Variants in C17orf99 observed in about 807,000 individuals in gnomAD.
C17orf99 encodes protein IL-40.
A neutral mutation model predicts 22.6 loss-of-function variants in C17orf99; 18 were observed. That is an observed-to-expected ratio of 0.80 (90% CI 0.55 to 1.18). The LOEUF is 1.18. C17orf99 is among the 50% of genes most tolerant of loss of function. C17orf99 has a pLI of 0.00. For missense variants in C17orf99, 328 were observed against 342.7 expected (o/e 0.96, Z 0.34); for synonymous variants, 147 against 136.6 (o/e 1.08, Z -0.53).
intron 2 of C17orf99, among the ~76,000 whole-genome samples, chr17:78,151,715 G>A (rs1288215404): frequency 1.3e-5 from 2 of 152,298 alleles, no homozygotes; most frequent in Middle Eastern, 3.4e-3. Context: ...TATTTAACAT[G>A]AGAGAGGGGG....
rs544592377 is a variant in C17orf99 at position 78,146,462 on chromosome 17, G to T, written c.37+18G>T. On this transcript the variant is annotated intron_variant, in intron 1 of 4. Transcript: ENST00000340363. This position sits in a 1 kb window ranked among gnomAD's most constrained non-coding sequence, Gnocchi z 5.2. ...CGTGCTGGGTGAGTCCACCAGGGAC[G>T]TGATGGTGGGGCTGCTGCTGGGGCC... 6.5e-7 allele frequency: 1 copy of T among 1,548,900 alleles called. No individual in the cohort carries two copies. The highest frequency in any genetic ancestry group is 2.4e-5 in the East Asian group (1 of 40,896).
At chr17:78,162,444 G>A (rs1257153561) in intron 3 of C17orf99, among the ~76,000 whole-genome samples, 1 of 151,796 alleles carries the variant, frequency 6.6e-6, no homozygotes, top group Non-Finnish European at 1.5e-5. Context: ...GAACCAGGAA[G>A]TGTTGCCCGA....
intron 3 of C17orf99, among the ~76,000 whole-genome samples, chr17:78,161,639 T>C (rs1304886484): frequency 6.6e-6 from 1 of 150,946 alleles, no homozygotes; most frequent in African/African-American, 2.4e-5. Flanking sequence ...AGCCCAGGAG[T>C]TCGATACCAG....
intron 2 of C17orf99, among the ~76,000 whole-genome samples, chr17:78,148,976 T>C (rs928740780): frequency 1.3e-5 from 2 of 151,876 alleles, no homozygotes; most frequent in Non-Finnish European, 2.9e-5. Flanking sequence ...ACATACATTC[T>C]GGAGGCCAGC....
At chr17:78,148,121 T>C (rs933213679) in intron 2 of C17orf99, among the ~76,000 whole-genome samples, 2 of 151,890 alleles carry the variant, frequency 1.3e-5, no homozygotes, top group African/African-American at 4.8e-5. Flanking sequence ...CAGTGGCTTA[T>C]GCCTGTTATC....
chr17:78,161,526 C>G (rs2075576557), intron 3 of C17orf99, among the ~76,000 whole-genome samples: 1 of 152,116 alleles, frequency 6.6e-6, no homozygotes, highest in South Asian at 2.1e-4. Flanking sequence ...GCAGAAATGA[C>G]TGGGCCCCAG....
intron 2 of C17orf99, chr17:78,157,825 GA>G (rs2075540485): frequency 3.2e-6 from 1 of 308,902 alleles, no homozygotes; most frequent in Non-Finnish European, 5.4e-6. Context: ...AAAAAAAAAA[GA>G]ATGGCTTTGT....
At position 78,165,976 on chromosome 17, in the gene C17orf99, G is replaced by T; in HGVS notation, c.728G>T (p.Ser243Ile). ...CTCTACAGGAGCACCCGCCGTCTGA[G>T]TGAAGAGGAGTTTGGGGGGTTCAGG... ...LPLYRSTRRL[S>I]EEEFGGFRIG... is the part of the protein sequence containing the mutation. The change falls in exon 5 of 5, where the codon AGT becomes ATT. Residue 243 changes from serine to isoleucine, a missense_variant. Physicochemically the swap from Ser to Ile is moderately radical, Grantham distance 142 (BLOSUM62 -2). Coordinates refer to ENST00000340363, the MANE Select transcript of C17orf99 (RefSeq NM_001163075.2). The T allele has an allele frequency of 6.7e-7, 1 of 1,502,540 alleles. No individual in the cohort carries two copies. The highest frequency in any genetic ancestry group is 9.0e-7 in the Non-Finnish European group (1 of 1,116,508). 93.1% of individuals were successfully genotyped at this position (1,502,540 alleles called of 1,614,324 possible). A position where few individuals can be genotyped will look rare whatever the true frequency, so the allele number is the denominator to read the frequency against.
chr17:78,162,413 G>T (rs1057354877), intron 3 of C17orf99, among the ~76,000 whole-genome samples: 1 of 151,858 alleles, frequency 6.6e-6, no homozygotes, highest in Admixed American at 6.6e-5. Context: ...TAACCTTCTT[G>T]GTGGGAGCTA....
chr17:78,165,335 C>T, intron 4 of C17orf99: 1 of 985,636 alleles, frequency 1.0e-6, no homozygotes, highest in Non-Finnish European at 1.2e-6. Flanking sequence ...GGCACTTTCC[C>T]ATCTCACTTC....
intron 2 of C17orf99, among the ~76,000 whole-genome samples, chr17:78,152,180 A>G (rs2145776306): frequency 6.6e-6 from 1 of 151,920 alleles, no homozygotes; most frequent in Non-Finnish European, 1.5e-5. Context: ...TTATTTATTT[A>G]TTTACTTACT....
chr17:78,162,598 T>A (rs1345700594), intron 3 of C17orf99, among the ~76,000 whole-genome samples: 2 of 151,864 alleles, frequency 1.3e-5, no homozygotes, highest in African/African-American at 4.8e-5. Context: ...CTGGCTGGGG[T>A]CTTGAACAAC....
Position 78,146,827 on chromosome 17 carries a change from G to T in C17orf99, c.38-52G>T. 1 of 1,534,302 alleles carries T rather than the reference G, an allele frequency of 6.5e-7. No homozygotes were observed. Among genetic ancestry groups the T allele is most frequent in the Non-Finnish European group, 8.8e-7 (1 of 1,132,000 alleles). On this transcript the variant is annotated intron_variant, in intron 1 of 4. Coordinates refer to ENST00000340363, the MANE Select transcript of C17orf99 (RefSeq NM_001163075.2). This position sits in a 1 kb window ranked among gnomAD's most constrained non-coding sequence, Gnocchi z 5.2. ...GCAGGTGGGTCTCGAGGCTGTCTCT[G>T]GTCTCCCCTCCACACCAGGCCCTCT...
chr17:78,165,158 A>C, intron 4 of C17orf99: 3 of 1,006,702 alleles, frequency 3.0e-6, no homozygotes, highest in Non-Finnish European at 3.5e-6. Context: ...GTAGTGTCTG[A>C]GTGCAGGCAC....
rs553892172 is a variant in C17orf99, at chr17:78,157,665, C to T, written c.71-3290C>T. ...TACAAAAATTAGCCGGGCGTGGTGG[C>T]GGGCGCCTGTAGTCCCAGCTACTCT... On this transcript the variant is annotated intron_variant, in intron 2 of 4. Transcript: ENST00000340363. Among the ~76,000 whole-genome samples, 302 of 151,868 alleles carry T rather than the reference C, an allele frequency of 2.0e-3. 2 individuals are homozygous for T. The highest frequency in any genetic ancestry group is 6.5e-3 in the African/African-American group (267 of 41,346).
chr17:78,160,904 C>A, intron 2 of C17orf99, 51 bp from the exon 3 acceptor site: 1 of 1,461,880 alleles, frequency 6.8e-7, no homozygotes, highest in Non-Finnish European at 9.3e-7. Context: ...TCTTAAGGTG[C>A]TTGATCAATG....
chr17:78,150,377 C>T (rs1351930789), intron 2 of C17orf99, among the ~76,000 whole-genome samples: 1 of 152,140 alleles, frequency 6.6e-6, no homozygotes, highest in East Asian at 1.9e-4. Flanking sequence ...CTCCTGGCCT[C>T]AAGCAATCCT....
rs2075468085 is a variant in C17orf99 at position 78,149,979 on chromosome 17, G to A, written c.70+3068G>A. 2.0e-5 allele frequency among the ~76,000 whole-genome samples: 3 copies of A among 151,770 alleles called. No homozygotes were observed. In the South Asian group the frequency reaches 6.2e-4, roughly 31 times the overall value. Reference sequence around the variant, plus strand: ...CCACCTTGGCCTCCCAAAGTGCTGGGATTACAGGCGAGAGCCACCACGCCC... The same window carrying A: ...CCACCTTGGCCTCCCAAAGTGCTGGAATTACAGGCGAGAGCCACCACGCCC... On this transcript the variant is annotated intron_variant, in intron 2 of 4. Transcript: ENST00000340363.
chr17:78,165,863 A>G (rs1339161102), intron 4 of C17orf99, 26 bp from the exon 5 acceptor site: 4 of 1,299,182 alleles, frequency 3.1e-6, no homozygotes, highest in Non-Finnish European at 3.0e-6. Context: ...AGCCTGCCTG[A>G]CTTGAGTCTC....
Sources: gnomAD v4.1 joint callset for allele counts (sites outside exome capture counted in the v4.1 genomes callset) on GRCh38, gnomAD v4.1.1 for gene constraint, Gnocchi (gnomAD v3.1) non-coding constraint, MANE v1.5 for transcripts, NCBI Gene and HGNC (gene_info 2026-07-23, HGNC 2026-07-21) for gene names.